KCNC2: variants seen among roughly 807,000 people sequenced by gnomAD.
KCNC2 encodes voltage-gated potassium channel KCNC2.
Under a neutral mutation model 44.5 loss-of-function variants are expected in KCNC2, and 21 were observed. That is an observed-to-expected ratio of 0.47 (90% CI 0.33 to 0.68). The LOEUF is 0.68. KCNC2 is among the 30% of genes least tolerant of loss of function. The pLI, the probability that KCNC2 is intolerant of heterozygous loss-of-function variation, is 0.01. For missense variants in KCNC2, 589 were observed against 826.2 expected, an observed-to-expected ratio of 0.71 and a Z score of 3.52; for synonymous variants, 391 against 339.1, an observed-to-expected ratio of 1.15 and a Z score of -1.68.
chr12:75,046,840 A>T (rs1052892525), intron 4 of KCNC2, among the ~76,000 whole-genome samples: 1 of 151,966 alleles, frequency 6.6e-6, no homozygotes. Flanking sequence ...GAAAGGAACA[A>T]GAGTCTTTTG....
At chr12:75,055,719 A>G (rs1394592128) in intron 2 of KCNC2, among the ~76,000 whole-genome samples, 3 of 152,038 alleles carry the variant, frequency 2.0e-5, no homozygotes. Context: ...ATTACAGAGA[A>G]TGGCCAGGAC....
In KCNC2 at chr12:75,201,262, G is replaced by GAAAAAAAAA. The variant is rs1313998973; in HGVS notation, c.687+6026_687+6034dup. ...GGGCAGAAAGTTACAAACGAAATTG[G>GAAAAAAAAA]AAAAAAAAAAAAAAAAAAAAAAAAA... On this transcript the variant is annotated intron_variant, in intron 2 of 4. Transcript: ENST00000549446. 4.9e-4 allele frequency among the ~76,000 whole-genome samples: 9 copies of GAAAAAAAAA among 18,466 alleles called. 2 individuals carry two copies. The highest frequency in any genetic ancestry group is 6.0e-4 in the African/African-American group (3 of 4,978). The allele number at this position is 18,466 out of a possible 152,430, so 12.1% of individuals were successfully genotyped here.
intron 2 of KCNC2, among the ~76,000 whole-genome samples, chr12:75,177,384 T>C (rs1251036610): frequency 6.6e-6 from 1 of 152,016 alleles, no homozygotes; most frequent in East Asian, 1.9e-4. Flanking sequence ...TACATTTTTC[T>C]AGGAATTTCT....
intron 2 of KCNC2, among the ~76,000 whole-genome samples, chr12:75,108,610 T>A (rs563346276): frequency 6.6e-6 from 1 of 152,320 alleles, no homozygotes; most frequent in Admixed American, 6.5e-5. Context: ...CTTTATCCAT[T>A]CCAAAACAGC....
intron 2 of KCNC2, among the ~76,000 whole-genome samples, chr12:75,109,078 T>C (rs183607251): frequency 1.3e-5 from 2 of 152,302 alleles, no homozygotes; most frequent in Admixed American, 1.3e-4. Flanking sequence ...TGCTTATGTA[T>C]CTAAGTCTCA....
chr12:75,089,766 C>G (rs1227150373), intron 2 of KCNC2, among the ~76,000 whole-genome samples: 2 of 151,752 alleles, frequency 1.3e-5, no homozygotes. Context: ...TAGCCCTTAG[C>G]TATAGAAACT....
intron 2 of KCNC2, among the ~76,000 whole-genome samples, chr12:75,076,939 A>T (rs1436867174): frequency 6.6e-6 from 1 of 152,160 alleles, no homozygotes. Flanking sequence ...ACTTACAAAA[A>T]TTTTAGTTTC....
chr12:75,206,608 C>T (rs2031706404), intron 2 of KCNC2, among the ~76,000 whole-genome samples: 1 of 152,194 alleles, frequency 6.6e-6, no homozygotes, highest in South Asian at 2.1e-4. Flanking sequence ...ATCAGAGATA[C>T]AGCCCTAAGC....
chr12:75,188,626 C>T (rs1374091205), intron 2 of KCNC2, among the ~76,000 whole-genome samples: 1 of 151,702 alleles, frequency 6.6e-6, no homozygotes, highest in Non-Finnish European at 1.5e-5. Context: ...CTTCGGGAGG[C>T]TGAGGCGGGT....
At chr12:75,205,388 G>C (rs1019034632) in intron 2 of KCNC2, among the ~76,000 whole-genome samples, 1 of 151,922 alleles carries the variant, frequency 6.6e-6, no homozygotes, top group Admixed American at 6.6e-5. Flanking sequence ...CTCAATTTTG[G>C]TGTATTCTTT....
intron 2 of KCNC2, among the ~76,000 whole-genome samples, chr12:75,199,195 G>C (rs2031032041): frequency 6.6e-6 from 1 of 151,756 alleles, no homozygotes; most frequent in Admixed American, 6.6e-5. Flanking sequence ...CTTGGCCTTT[G>C]CTCCAATTTT....
chr12:75,145,155 T>C (rs900778791), intron 2 of KCNC2, among the ~76,000 whole-genome samples: 8 of 152,112 alleles, frequency 5.3e-5, no homozygotes, highest in African/African-American at 1.9e-4. Context: ...AATTTTCCCG[T>C]TCCCAAGCTG....
intron 2 of KCNC2, among the ~76,000 whole-genome samples, chr12:75,199,955 A>G (rs2031100460): frequency 6.6e-6 from 1 of 151,858 alleles, no homozygotes; most frequent in African/African-American, 2.4e-5. Context: ...AGGGAAAAAA[A>G]GTGGTTAAGT....
intron 2 of KCNC2, among the ~76,000 whole-genome samples, chr12:75,100,579 T>A (rs1254546000): frequency 2.0e-5 from 3 of 152,122 alleles, no homozygotes; most frequent in Non-Finnish European, 4.4e-5. Context: ...ATGCTTTATT[T>A]ACATTACTAT....
At chr12:75,111,950 T>G (rs1325808604) in intron 2 of KCNC2, among the ~76,000 whole-genome samples, 1 of 151,728 alleles carries the variant, frequency 6.6e-6, no homozygotes, top group African/African-American at 2.4e-5. Flanking sequence ...AAAGATATTC[T>G]ATTAAAAAAT....
At chr12:75,129,300 C>T (rs1888665302) in intron 2 of KCNC2, among the ~76,000 whole-genome samples, 1 of 152,114 alleles carries the variant, frequency 6.6e-6, no homozygotes, top group African/African-American at 2.4e-5. Context: ...CCCCCTCAAC[C>T]AACTCTACCA....
At chr12:75,052,767 G>T (rs778325054) in intron 2 of KCNC2, among the ~76,000 whole-genome samples, 1 of 152,054 alleles carries the variant, frequency 6.6e-6, no homozygotes, top group Non-Finnish European at 1.5e-5. Context: ...AATGTAAAGG[G>T]TATACAAAAG....
At chr12:75,075,153 CTG>C (rs2137052412) in intron 2 of KCNC2, among the ~76,000 whole-genome samples, 1 of 152,062 alleles carries the variant, frequency 6.6e-6, no homozygotes, top group East Asian at 1.9e-4. Flanking sequence ...TATTGGAAGT[CTG>C]TGCAAGAAAG....
chr12:75,147,527 A>G (rs1890108508), intron 2 of KCNC2, among the ~76,000 whole-genome samples: 1 of 152,204 alleles, frequency 6.6e-6, no homozygotes, highest in African/African-American at 2.4e-5. Flanking sequence ...GAATAGGAAA[A>G]CAAATAAAAA....
Sources: allele counts gnomAD v4.1 joint callset (sites outside exome capture counted in the v4.1 genomes callset), GRCh38; gene constraint gnomAD v4.1.1; transcripts MANE v1.5; gene names NCBI Gene and HGNC (gene_info 2026-07-23, HGNC 2026-07-21).